Variants in ADAMTSL1 observed in about 807,000 individuals in gnomAD.
ADAMTSL1 encodes ADAMTS-like protein 1.
ADAMTSL1 carries 126 observed loss-of-function variants against 201.8 expected under a neutral mutation model. The observed-to-expected ratio is 0.62, with a 90% CI of 0.54 to 0.72. The LOEUF is 0.72. Among genes scored for constraint, ADAMTSL1 ranks in the 30% least tolerant of loss-of-function variants. The pLI, the probability that ADAMTSL1 is intolerant of heterozygous loss-of-function variation, is 0.00. For missense variants in ADAMTSL1, 2,679 were observed against 2,277.8 expected, an observed-to-expected ratio of 1.18 and a Z score of -3.59; for synonymous variants, 1,121 against 903.4, an observed-to-expected ratio of 1.24 and a Z score of -4.32.
intron 2 of ADAMTSL1, among the ~76,000 whole-genome samples, chr9:18,266,684 C>A (rs746077488): frequency 2.0e-5 from 3 of 152,140 alleles, no homozygotes; most frequent in Non-Finnish European, 4.4e-5. Context: ...TGGTCCTCAT[C>A]ATGGTGATGG....
chr9:18,821,465 G>A (rs1824206348), intron 21 of ADAMTSL1, among the ~76,000 whole-genome samples: 1 of 152,152 alleles, frequency 6.6e-6, no homozygotes, highest in African/African-American at 2.4e-5. Context: ...GGCCACGCCT[G>A]GAAGGAGCAT....
In ADAMTSL1 at chr9:18,205,320, A is replaced by G. The variant is rs527785525; in HGVS notation, c.207+41339A>G. On this transcript the variant is annotated intron_variant, in intron 2 of 29. Coordinates refer to the ADAMTSL1 transcript ENST00000680146. ...ATTCTAAGAGAAGAGAAGATCTAAG[A>G]GAAGTGAAAATGAAAATACACAATA... is the stretch of plus-strand genomic sequence containing the variant. Among the ~76,000 whole-genome samples the G allele has an allele frequency of 2.6e-5, 4 of 152,326 alleles. No individual in the cohort carries two copies. The South Asian group carries it at 6.2e-4, about 24-fold the overall frequency.
chr9:18,351,993 T>C (rs1427233725), intron 2 of ADAMTSL1, among the ~76,000 whole-genome samples: 2 of 152,206 alleles, frequency 1.3e-5, no homozygotes, highest in African/African-American at 4.8e-5. Context: ...GTAGCTTCTT[T>C]TAGAGTCATG....
intron 26 of ADAMTSL1, among the ~76,000 whole-genome samples, chr9:18,895,388 G>GAT (rs1354490601): frequency 6.6e-6 from 1 of 152,124 alleles, no homozygotes; most frequent in East Asian, 1.9e-4. Context: ...TCTTTAAGAT[G>GAT]ATAGGAAATT....
At chr9:18,378,450 T>C (rs1837402622) in intron 2 of ADAMTSL1, among the ~76,000 whole-genome samples, 1 of 152,236 alleles carries the variant, frequency 6.6e-6, no homozygotes, top group African/African-American at 2.4e-5. Flanking sequence ...TTTGCTTACT[T>C]GTTTTATTTC....
intron 2 of ADAMTSL1, among the ~76,000 whole-genome samples, chr9:18,290,524 G>A (rs938942662): frequency 2.0e-5 from 3 of 152,086 alleles, no homozygotes; most frequent in Non-Finnish European, 2.9e-5. Flanking sequence ...GGATAGGGTA[G>A]GGAAGAGGCC....
At chr9:18,256,845 A>T (rs1189975598) in intron 2 of ADAMTSL1, among the ~76,000 whole-genome samples, 1 of 152,076 alleles carries the variant, frequency 6.6e-6, no homozygotes, top group Non-Finnish European at 1.5e-5. Context: ...TCTTTGATTC[A>T]TTTTCCCAAG....
intron 1 of ADAMTSL1, among the ~76,000 whole-genome samples, chr9:18,101,311 C>T (rs936494390): frequency 6.6e-6 from 1 of 152,024 alleles, no homozygotes; most frequent in African/African-American, 2.4e-5. Flanking sequence ...GCCTGACCAA[C>T]AGGGTGAAAC....
At chr9:18,304,794 A>G (rs988510330) in intron 2 of ADAMTSL1, among the ~76,000 whole-genome samples, 1 of 152,204 alleles carries the variant, frequency 6.6e-6, no homozygotes, top group Non-Finnish European at 1.5e-5. Flanking sequence ...TTAATTCAAA[A>G]TGACTTTCTC....
At chr9:18,629,981 T>TA (rs59968774) in intron 5 of ADAMTSL1, among the ~76,000 whole-genome samples, 49,555 of 151,512 alleles carry the variant, frequency 0.33, 9,115 homozygotes, top group African/African-American at 0.5. Flanking sequence ...ATATGTGCTG[T>TA]TTTTTTTGTT....
intron 1 of ADAMTSL1, among the ~76,000 whole-genome samples, chr9:17,965,182 T>C (rs1359396493): frequency 1.3e-5 from 2 of 152,226 alleles, no homozygotes; most frequent in African/African-American, 2.4e-5. Flanking sequence ...CTTTTCTATC[T>C]ATTTTCTGGC....
Position 18,245,883 on chromosome 9 carries a change from C to T in ADAMTSL1, c.207+81902C>T, listed in dbSNP as rs117164023. Among the ~76,000 whole-genome samples the T allele has an allele frequency of 4.4e-4, 67 of 152,070 alleles. 1 individual carries two copies. In the East Asian group the frequency reaches 6.0e-3, roughly 14 times the overall value. On this transcript the variant is annotated intron_variant, in intron 2 of 29. Coordinates refer to the ADAMTSL1 transcript ENST00000680146. ...TGGTTGTCCTTTGCAATCAATTAGCCGCCACCTTAGAAACTAAAGTATCAC... is the reference window on the plus strand; with the variant it reads ...TGGTTGTCCTTTGCAATCAATTAGCTGCCACCTTAGAAACTAAAGTATCAC...
chr9:18,527,956 C>T (rs1819194093), intron 2 of ADAMTSL1, among the ~76,000 whole-genome samples: 1 of 152,168 alleles, frequency 6.6e-6, no homozygotes, highest in Non-Finnish European at 1.5e-5. Context: ...CGGCTCACTG[C>T]AAGCTCCACC....
intron 2 of ADAMTSL1, among the ~76,000 whole-genome samples, chr9:18,531,998 T>G (rs554574237): frequency 5.3e-5 from 8 of 152,200 alleles, no homozygotes; most frequent in Non-Finnish European, 1.2e-4. Context: ...TCCGGGTTTT[T>G]GAGAATATTA....
At chr9:18,557,953 A>G (rs1821204895) in intron 3 of ADAMTSL1, among the ~76,000 whole-genome samples, 2 of 152,098 alleles carry the variant, frequency 1.3e-5, no homozygotes, top group African/African-American at 2.4e-5. Flanking sequence ...TAAAAGCACA[A>G]TGAAGTAATA....
At chr9:18,489,416 G>A (rs553226852) in intron 1 of ADAMTSL1, among the ~76,000 whole-genome samples, 4 of 152,210 alleles carry the variant, frequency 2.6e-5, no homozygotes, top group Non-Finnish European at 5.9e-5. Context: ...ATGATCATCC[G>A]ATCCTGTTAC....
intron 1 of ADAMTSL1, among the ~76,000 whole-genome samples, chr9:18,041,213 G>A (rs1821412697): frequency 6.6e-6 from 1 of 152,142 alleles, no homozygotes; most frequent in Non-Finnish European, 1.5e-5. Flanking sequence ...TGTAAAGCCT[G>A]CCCTGTCATT....
Position 18,706,928 on chromosome 9 carries a change from G to C in ADAMTSL1, c.1756G>C (p.Glu586Gln). Residue 586 changes from glutamate (E) to glutamine (Q), a missense_variant, in exon 14 of 29, where the codon GAA becomes CAA. Glu to Gln is a conservative substitution (Grantham distance 29). Transcript: ENST00000380548. ...RACYAGPCSG[E>Q]IPEFNPDETD... ...CTGTTATGCAGGCCCATGCAGCGGG[G>C]AAATTCCTGAGTTCAACCCAGACGA... 1 of 1,614,010 alleles carries C rather than the reference G, an allele frequency of 6.2e-7. No homozygotes were observed. The highest frequency in any genetic ancestry group is 8.5e-7 in the Non-Finnish European group (1 of 1,179,894).
intron 11 of ADAMTSL1, 111 bp from the exon 12 acceptor site, chr9:18,681,701 G>GT: frequency 2.1e-6 from 1 of 470,098 alleles, no homozygotes; most frequent in South Asian, 4.2e-5. Flanking sequence ...CTCGTGTGGG[G>GT]GGGGGGGGCG....
Sources: allele counts gnomAD v4.1 joint callset (sites outside exome capture counted in the v4.1 genomes callset), GRCh38; gene constraint gnomAD v4.1.1; transcripts MANE v1.5; gene names NCBI Gene and HGNC (gene_info 2026-07-23, HGNC 2026-07-21).